The following COX7B variants were observed in gnomAD, a reference collection of about 807,000 sequenced individuals.
The protein encoded by COX7B is cytochrome c oxidase subunit 7B.
COX7B carries 2 observed loss-of-function variants against 7.9 expected under a neutral mutation model. That is an observed-to-expected ratio of 0.25 (90% CI 0.10 to 0.79). The LOEUF (loss-of-function observed/expected upper bound fraction) is 0.79. Among genes scored for constraint, COX7B ranks in the 30% least tolerant of loss-of-function variants. The pLI is 0.69. For synonymous variants in COX7B, 19 were observed against 21.1 expected (o/e 0.90, Z 0.27); for missense variants, 54 against 62.7 (o/e 0.86, Z 0.47).
chrX:77,900,527 C>T (rs1484973094), intron 1 of COX7B, among the ~76,000 whole-genome samples: 1 of 112,026 alleles, frequency 8.9e-6, no homozygotes, highest in East Asian at 2.8e-4. Context: ...TGATTTGCAC[C>T]GAAGGTGACC....
Position 77,906,163 on chromosome X carries a change from T to C in COX7B, c.*902T>C, listed in dbSNP as rs1557221142. On this transcript the variant is annotated 3_prime_UTR_variant, in exon 3 of 3. Coordinates refer to ENST00000650309, the MANE Select transcript of COX7B (RefSeq NM_001866.3). Reference sequence around the variant, plus strand: ...AGTCAACTTTATAGTAAGCTGAAATTATAAATAACTGATCATGGAACTATT... The same window carrying C: ...AGTCAACTTTATAGTAAGCTGAAATCATAAATAACTGATCATGGAACTATT... The C allele has an allele frequency of 8.9e-6, 1 of 112,442 alleles. No homozygotes were observed. Among genetic ancestry groups the C allele is most frequent in the African/African-American group, 3.2e-5 (1 of 30,980 alleles). 9.3% of individuals were successfully genotyped at this position (112,442 alleles called of 1,213,427 possible). A position where few individuals can be genotyped will look rare whatever the true frequency, so the allele number is the denominator to read the frequency against.
Position 77,904,754 on chromosome X carries a change from TG to T in COX7B, c.166-429del, listed in dbSNP as rs369804693. ...CTTTTGGAGGTGAAATGTTCCTTAG[TG>T]ATACAGAGAATATAAAATACTCTGG... is the stretch of plus-strand genomic sequence containing the variant. On this transcript the variant is annotated intron_variant, in intron 2 of 2. Transcript: ENST00000650309. Among the ~76,000 whole-genome samples the T allele has an allele frequency of 2.4e-3, 267 of 111,971 alleles. 2 individuals carry two copies. Among genetic ancestry groups the T allele is most frequent in the African/African-American group, 8.2e-3 (253 of 30,887 alleles).
In COX7B at chrX:77,905,406, T is replaced by A. The variant is rs2077131823; in HGVS notation, c.*145T>A. The A allele has an allele frequency of 2.2e-6, 1 of 447,057 alleles. No individual in the cohort carries two copies. The allele number at this position is 447,057 out of a possible 1,213,427, so 36.8% of individuals were successfully genotyped here. ...CTTCATTGTAGGTTTTGTTTCTTTG[T>A]AAATGAAACTAAGCTTGATCACTTT... On this transcript the variant is annotated 3_prime_UTR_variant, in exon 3 of 3. Transcript: ENST00000650309.
At chrX:77,905,089 C>A in intron 2 of COX7B, 95 bp from the exon 3 acceptor site, 1 of 731,031 alleles carries the variant, frequency 1.4e-6, no homozygotes. Flanking sequence ...TATTTTTAAC[C>A]TATAGAACAG....
At position 77,902,726 on chromosome X, in the gene COX7B, T is replaced by G; in HGVS notation, c.124T>G (p.Leu42Val). The change falls in exon 2 of 3, where the codon TTA (leucine) becomes GTA (valine). Residue 42 changes from leucine to valine, a missense_variant. Transcript: ENST00000650309. ...TCATGACAAATACGGTAATGCTGTATTAGCTAGTGGAGCCACTTTCTGTAT... is the reference window on the plus strand; with the variant it reads ...TCATGACAAATACGGTAATGCTGTAGTAGCTAGTGGAGCCACTTTCTGTAT... ...DFHDKYGNAV[L>V]ASGATFCIVT... is the part of the protein sequence containing the mutation. 2 of 1,208,302 alleles carry G rather than the reference T, an allele frequency of 1.7e-6. No homozygotes were observed. The highest frequency in any genetic ancestry group is 2.2e-6 in the Non-Finnish European group (2 of 893,096).
chrX:77,902,598 C>T (rs368620712), intron 1 of COX7B, 45 bp from the exon 2 acceptor site: 22 of 1,194,754 alleles, frequency 1.8e-5, no homozygotes, highest in African/African-American at 3.5e-5. Flanking sequence ...CTTTACCTGA[C>T]AATTGATAAT....
At chrX:77,905,061 C>A in intron 2 of COX7B, 123 bp from the exon 3 acceptor site, 1 of 559,387 alleles carries the variant, frequency 1.8e-6, no homozygotes, top group Non-Finnish European at 3.0e-6. Flanking sequence ...GGTATTAGAT[C>A]CCAGGTGAGT....
Position 77,905,586 on chromosome X carries a change from G to A in COX7B, c.*325G>A, listed in dbSNP as rs370974511. 7.5e-4 allele frequency: 101 copies of A among 134,445 alleles called. No individual in the cohort carries two copies. The highest frequency in any genetic ancestry group is 1.9e-3 in the African/African-American group (51 of 27,194). The allele number at this position is 134,445 out of a possible 1,213,427, so 11.1% of individuals were successfully genotyped here. Reference sequence around the variant, plus strand: ...GCTCACTGCGACCTCTGCCTCCTGAGTTCAAGTGATTCTCCTGTCTCAGCC... The same window carrying A: ...GCTCACTGCGACCTCTGCCTCCTGAATTCAAGTGATTCTCCTGTCTCAGCC... On this transcript the variant is annotated 3_prime_UTR_variant, in exon 3 of 3. Transcript: ENST00000650309.
chrX:77,904,745 G>A (rs1454504069), intron 2 of COX7B, among the ~76,000 whole-genome samples: 1 of 111,735 alleles, frequency 8.9e-6, no homozygotes, highest in Non-Finnish European at 1.9e-5. Context: ...GAGGTGAAAT[G>A]TTCCTTAGTG....
chrX:77,903,083 T>C (rs1275464742), intron 2 of COX7B: 1 of 135,681 alleles, frequency 7.4e-6, no homozygotes, highest in East Asian at 1.9e-4. Context: ...TGGAGTGCAG[T>C]GGTGCGATCT....
At chrX:77,903,936 GT>G (rs781838016) in intron 2 of COX7B, among the ~76,000 whole-genome samples, 18 of 83,994 alleles carry the variant, frequency 2.1e-4, no homozygotes, top group East Asian at 7.4e-4. Flanking sequence ...TTTGTTTTTT[GT>G]TTTTTTTTTT....
Position 77,899,485 on chromosome X carries a change from A to T in COX7B, c.-69A>T. 8.7e-7 allele frequency: 1 copy of T among 1,143,968 alleles called. No homozygotes were observed. Among genetic ancestry groups the T allele is most frequent in the Non-Finnish European group, 1.2e-6 (1 of 835,676 alleles). 94.3% of individuals were successfully genotyped at this position (1,143,968 alleles called of 1,213,427 possible). The stretch of plus-strand genomic sequence containing the variant: ...GCCATTTTGTTTTTCAGCTCACTTC[A>T]AGGGTACCTGAAGCGAATTGGCACC... On this transcript the variant is annotated 5_prime_UTR_variant, in exon 1 of 3. Coordinates refer to ENST00000650309, the MANE Select transcript of COX7B (RefSeq NM_001866.3).
chrX:77,902,730 C>T lies in COX7B; in HGVS notation c.128C>T (p.Ala43Val). The T allele has an allele frequency of 8.3e-7, 1 of 1,204,977 alleles. No individual in the cohort carries two copies. Among genetic ancestry groups the T allele is most frequent in the South Asian group, 1.8e-5 (1 of 56,785 alleles). The change falls in exon 2 of 3, where the codon GCT (alanine) becomes GTT (valine). Residue 43 changes from alanine (A) to valine (V), a missense_variant. Transcript: ENST00000650309. ...GACAAATACGGTAATGCTGTATTAG[C>T]TAGTGGAGCCACTTTCTGTATTGTT... is the stretch of plus-strand genomic sequence containing the variant. ...FHDKYGNAVLASGATFCIVTW... is the reference protein window; with the variant it reads ...FHDKYGNAVLVSGATFCIVTW...
chrX:77,905,359 A>G lies in COX7B; in HGVS notation c.*98A>G. Reference sequence around the variant, plus strand: ...ACCCATTAAGATATGGCATTATTGAAGAAATAAAGTACATTTGAAACCTTC... The same window carrying G: ...ACCCATTAAGATATGGCATTATTGAGGAAATAAAGTACATTTGAAACCTTC... On this transcript the variant is annotated 3_prime_UTR_variant, in exon 3 of 3. Coordinates refer to ENST00000650309, the MANE Select transcript of COX7B (RefSeq NM_001866.3). 1.6e-6 allele frequency: 1 copy of G among 631,147 alleles called. No homozygotes were observed. The highest frequency in any genetic ancestry group is 2.5e-6 in the Non-Finnish European group (1 of 392,629). The allele number at this position is 631,147 out of a possible 1,213,427, so 52.0% of individuals were successfully genotyped here.
Position 77,906,577 on chromosome X carries a change from T to C in COX7B, c.*1316T>C, listed in dbSNP as rs993472190. On this transcript the variant is annotated 3_prime_UTR_variant, in exon 3 of 3. Coordinates refer to ENST00000650309, the MANE Select transcript of COX7B (RefSeq NM_001866.3). ...TGGATTATTATTTTAGTATATAACA[T>C]TGGATTTTATGTATGTTACCTGAAG... 2 of 112,222 alleles carry C rather than the reference T, an allele frequency of 1.8e-5. No homozygotes were observed. The highest frequency in any genetic ancestry group is 6.5e-5 in the African/African-American group (2 of 30,890). The allele number at this position is 112,222 out of a possible 1,213,427, so 9.2% of individuals were successfully genotyped here.
rs782330612 is a variant in COX7B, at chrX:77,899,599, C to T, written c.40+6C>T. 3.9e-5 allele frequency: 47 copies of T among 1,206,446 alleles called. No individual in the cohort carries two copies. Among genetic ancestry groups the T allele is most frequent in the Non-Finnish European group, 5.0e-5 (45 of 892,839 alleles). ...CGCACTAAATCGTCTCCAAGGTGAG[C>T]AAAAATTATGACAAATCATTTACAA... On this transcript the variant is annotated splice_donor_region_variant and intron_variant, in intron 1 of 2. Coordinates refer to ENST00000650309, the MANE Select transcript of COX7B (RefSeq NM_001866.3).
At chrX:77,902,904 A>G (rs2077124459) in intron 2 of COX7B, 137 bp downstream of exon 2, 4 of 523,190 alleles carry the variant, frequency 7.6e-6, no homozygotes, top group Admixed American at 4.5e-5. Flanking sequence ...TTACCCACAC[A>G]GTGCAGGGGA....
At chrX:77,903,028 G>GTT (rs781818450) in intron 2 of COX7B, 717 of 145,901 alleles carry the variant, frequency 4.9e-3, no homozygotes, top group East Asian at 8.4e-3. Flanking sequence ...TTTTGTTTTT[G>GTT]TTTTTTTTTT....
At position 77,905,350 on chromosome X, in the gene COX7B, C is replaced by T. The variant is rs1188790593; in HGVS notation, c.*89C>T. 6 of 671,963 alleles carry T rather than the reference C, an allele frequency of 8.9e-6. No individual in the cohort carries two copies. Among genetic ancestry groups the T allele is most frequent in the African/African-American group, 8.8e-5 (4 of 45,657 alleles). The allele number at this position is 671,963 out of a possible 1,213,427, so 55.4% of individuals were successfully genotyped here. A position where few individuals can be genotyped will look rare whatever the true frequency, so the allele number is the denominator to read the frequency against. Reference sequence around the variant, plus strand: ...GCACTGTGTACCCATTAAGATATGGCATTATTGAAGAAATAAAGTACATTT... The same window carrying T: ...GCACTGTGTACCCATTAAGATATGGTATTATTGAAGAAATAAAGTACATTT... On this transcript the variant is annotated 3_prime_UTR_variant, in exon 3 of 3. Transcript: ENST00000650309.
Sources: gnomAD v4.1 joint callset for allele counts (sites outside exome capture counted in the v4.1 genomes callset) on GRCh38, gnomAD v4.1.1 for gene constraint, MANE v1.5 for transcripts, NCBI Gene and HGNC (gene_info 2026-07-23, HGNC 2026-07-21) for gene names.